KLRG1: variants seen among roughly 807,000 people sequenced by gnomAD.
KLRG1 encodes killer cell lectin-like receptor subfamily G member 1.
Under a neutral mutation model 21.8 loss-of-function variants are expected in KLRG1, and 16 were observed. That is an observed-to-expected ratio of 0.73 (90% CI 0.50 to 1.11). KLRG1 has a LOEUF of 1.11. KLRG1 is among the 50% of genes most tolerant of loss of function. KLRG1 has a pLI of 0.00. For missense variants in KLRG1, 173 were observed against 218.3 expected (o/e 0.79, Z 1.31); for synonymous variants, 69 against 75.9 (o/e 0.91, Z 0.47).
chr12:9,151,100 T>G, the KLRG1 span, among the ~76,000 whole-genome samples: 2 of 152,342 alleles, frequency 1.3e-5, no homozygotes, highest in East Asian at 3.9e-4. Context: ...ACATAAAACA[T>G]TTTCTTTGTT....
At chr12:9,157,442 T>C in the KLRG1 span, 1 of 1,292,914 alleles carries the variant, frequency 7.7e-7, no homozygotes, top group Non-Finnish European at 1.1e-6. Flanking sequence ...TCAGATGTTA[T>C]TAATAGATTT....
chr12:9,149,078 G>T, the KLRG1 span: 1 of 1,264,900 alleles, frequency 7.9e-7, no homozygotes, highest in Admixed American at 1.7e-5. Flanking sequence ...GTGAGCTTAT[G>T]CAGGGTCAGG....
chr12:9,058,482 CA>C, the KLRG1 span: 3 of 151,848 alleles, frequency 2.0e-5, no homozygotes, highest in Admixed American at 1.3e-4. Context: ...TTAATATAAA[CA>C]TATAAATATT....
intron 1 of KLRG1, among the ~76,000 whole-genome samples, chr12:8,956,219 A>C (rs2137200537): frequency 6.6e-6 from 1 of 152,284 alleles, no homozygotes; most frequent in East Asian, 1.9e-4. Flanking sequence ...CTCTCCTGGC[A>C]CCAGGCGGCC....
At chr12:9,156,989 T>C in the KLRG1 span, among the ~76,000 whole-genome samples, 2 of 152,192 alleles carry the variant, frequency 1.3e-5, no homozygotes, top group South Asian at 2.1e-4. Flanking sequence ...GTTTGTTACA[T>C]AGGTGTGCCA....
chr12:9,005,069 C>T (rs1464908910), intron 3 of KLRG1, among the ~76,000 whole-genome samples: 2 of 151,968 alleles, frequency 1.3e-5, no homozygotes, highest in Non-Finnish European at 2.9e-5. Context: ...AAATGTTCAA[C>T]AACAAATAAA....
the KLRG1 span, chr12:9,164,213 T>C: frequency 2.5e-6 from 4 of 1,611,726 alleles, no homozygotes; most frequent in South Asian, 4.4e-5. Context: ...TCCCTTTGTA[T>C]TTTGGGAAGC....
chr12:8,998,358 G>GT, intron 3 of KLRG1, among the ~76,000 whole-genome samples: 1 of 151,812 alleles, frequency 6.6e-6, no homozygotes, highest in East Asian at 1.9e-4. Flanking sequence ...ATTAATGAGT[G>GT]TAAGTCTAAG....
At chr12:8,982,992 C>G (rs371204863) in intron 1 of KLRG1, among the ~76,000 whole-genome samples, 2 of 152,138 alleles carry the variant, frequency 1.3e-5, no homozygotes, top group Non-Finnish European at 2.9e-5. Flanking sequence ...TCTAGTCTTA[C>G]AATTTGTGCC....
the KLRG1 span, among the ~76,000 whole-genome samples, chr12:9,144,309 T>A: frequency 6.6e-6 from 1 of 152,108 alleles, no homozygotes; most frequent in Non-Finnish European, 1.5e-5. Flanking sequence ...GAGAGCCCAC[T>A]GGAGAGTAGC....
chr12:9,084,789 C>T, the KLRG1 span, among the ~76,000 whole-genome samples: 1 of 151,934 alleles, frequency 6.6e-6, no homozygotes, highest in African/African-American at 2.4e-5. Flanking sequence ...AAGAGACTCA[C>T]CTAATTTTTA....
chr12:9,200,927 C>T, the KLRG1 span: 5 of 1,613,868 alleles, frequency 3.1e-6, no homozygotes, highest in African/African-American at 4.0e-5. Flanking sequence ...CTGTATCCTT[C>T]CACCTGATTC....
At chr12:9,171,194 C>G in the KLRG1 span, among the ~76,000 whole-genome samples, 1 of 152,138 alleles carries the variant, frequency 6.6e-6, no homozygotes, top group South Asian at 2.1e-4. Context: ...GGTGATACTT[C>G]CACGTACGGG....
chr12:9,177,337 A>G, the KLRG1 span, among the ~76,000 whole-genome samples: 1 of 152,172 alleles, frequency 6.6e-6, no homozygotes, highest in Non-Finnish European at 1.5e-5. Flanking sequence ...CCTCCTGCCA[A>G]TAGCTCTCAA....
the KLRG1 span, among the ~76,000 whole-genome samples, chr12:9,147,056 C>G: frequency 6.6e-6 from 1 of 152,204 alleles, no homozygotes; most frequent in Non-Finnish European, 1.5e-5. Flanking sequence ...ACTGTGCAGA[C>G]TCATCTGAGC....
chr12:9,043,237 G>A, the KLRG1 span, among the ~76,000 whole-genome samples: 37 of 151,902 alleles, frequency 2.4e-4, no homozygotes, highest in African/African-American at 5.8e-4. Flanking sequence ...CCACCACGCC[G>A]GTTAATTTTT....
the KLRG1 span, among the ~76,000 whole-genome samples, chr12:9,198,687 T>C: frequency 6.6e-6 from 1 of 152,180 alleles, no homozygotes; most frequent in Non-Finnish European, 1.5e-5. Flanking sequence ...AACAGAATAA[T>C]ACACAATAAT....
At chr12:9,105,635 A>AT in the KLRG1 span, among the ~76,000 whole-genome samples, 2 of 152,156 alleles carry the variant, frequency 1.3e-5, no homozygotes, top group Non-Finnish European at 2.9e-5. Flanking sequence ...GTAAGAGAAG[A>AT]TTTTTTTGGT....
Position 8,965,693 on chromosome 12 carries a change from CAAAG to C in KLRG1, c.-156+15461_-156+15464del, listed in dbSNP as rs1373071986. The stretch of plus-strand genomic sequence containing the variant: ...CTGCTCAATGAAATAAAAGAGGACA[CAAAG>C]AAATGGAAGAACATTCCATGCTCAT... On this transcript the variant is annotated intron_variant, in intron 1 of 4. Coordinates refer to the KLRG1 transcript ENST00000539240. Among the ~76,000 whole-genome samples the C allele has an allele frequency of 4.0e-5, 6 of 150,620 alleles. No individual in the cohort carries two copies. In the South Asian group the frequency reaches 8.3e-4, roughly 21 times the overall value.
Sources: gnomAD v4.1 joint callset for allele counts (sites outside exome capture counted in the v4.1 genomes callset) on GRCh38, gnomAD v4.1.1 for gene constraint, MANE v1.5 for transcripts, NCBI Gene and HGNC (gene_info 2026-07-23, HGNC 2026-07-21) for gene names.